PRELID3A: variants seen among roughly 807,000 people sequenced by gnomAD.
PRELID3A encodes PRELI domain containing 3A.
Under a neutral mutation model 23.0 loss-of-function variants are expected in PRELID3A, and 27 were observed. The ratio of observed to expected loss-of-function variants is 1.17; its 90% CI spans 0.87 to 1.62. The LOEUF is 1.62. Ranked by LOEUF, PRELID3A falls within the 40% of genes most tolerant of loss-of-function variation. PRELID3A has a pLI of 0.00. For synonymous variants in PRELID3A, 87 were observed against 86.4 expected, an observed-to-expected ratio of 1.01 and a Z score of -0.04; for missense variants, 231 against 231.4, an observed-to-expected ratio of 1.00 and a Z score of 0.01.
Position 12,427,070 on chromosome 18 carries a change from T to G in PRELID3A, c.321T>G (p.Asn107Lys). 1.2e-6 allele frequency: 2 copies of G among 1,613,510 alleles called. No homozygotes were observed. Among genetic ancestry groups the G allele is most frequent in the African/African-American group, 2.7e-5 (2 of 75,016 alleles). ...CACTCACAAATTTGGTGTCAGTTAATGAGAGGTTGGTGTACACACCTCATC... is the reference window on the plus strand; with the variant it reads ...CACTCACAAATTTGGTGTCAGTTAAGGAGAGGTTGGTGTACACACCTCATC... ...NITLTNLVSV[N>K]ERLVYTPHPE... Residue 107 changes from asparagine to lysine, a missense_variant, in exon 4 of 7, where the codon AAT becomes AAG. Physicochemically the swap from Asn to Lys is moderately conservative, Grantham distance 94. Coordinates refer to ENST00000440960, the MANE Select transcript of PRELID3A (RefSeq NM_001142405.2).
intron 3 of PRELID3A, among the ~76,000 whole-genome samples, chr18:12,423,315 G>C (rs1363909853): frequency 6.6e-6 from 1 of 152,186 alleles, no homozygotes; most frequent in African/African-American, 2.4e-5. Flanking sequence ...GGAAGGTGAG[G>C]TAGCCGGGTT....
At chr18:12,408,104 C>CG in intron 1 of PRELID3A, 97 bp downstream of exon 1, 1 of 1,074,140 alleles carries the variant, frequency 9.3e-7, no homozygotes, top group Non-Finnish European at 1.2e-6. Context: ...GACCTCACAG[C>CG]GGGCCTCGCG....
intron 2 of PRELID3A, 108 bp downstream of exon 2, chr18:12,420,601 T>C: frequency 2.2e-6 from 2 of 924,206 alleles, no homozygotes; most frequent in Non-Finnish European, 2.8e-6. Flanking sequence ...CTGCTTTGGC[T>C]GCCATCGGGG....
chr18:12,414,461 C>G (rs1468686781), intron 1 of PRELID3A, among the ~76,000 whole-genome samples: 1 of 152,202 alleles, frequency 6.6e-6, no homozygotes, highest in African/African-American at 2.4e-5. Flanking sequence ...CGCCATGGCT[C>G]ATGCCTGTAA....
chr18:12,411,302 A>T (rs1399256010), intron 1 of PRELID3A, among the ~76,000 whole-genome samples: 4 of 127,900 alleles, frequency 3.1e-5, no homozygotes, highest in Admixed American at 1.5e-4. Context: ...ACTAAAAAAT[A>T]AAAAAAAAAA....
chr18:12,411,511 CCAG>C (rs1909911923), intron 1 of PRELID3A, among the ~76,000 whole-genome samples: 1 of 151,854 alleles, frequency 6.6e-6, no homozygotes, highest in Non-Finnish European at 1.5e-5. Context: ...TGTCTTCTTC[CCAG>C]CATTGAGGTT....
intron 1 of PRELID3A, among the ~76,000 whole-genome samples, chr18:12,413,893 C>T (rs993421586): frequency 1.3e-5 from 2 of 152,198 alleles, no homozygotes; most frequent in African/African-American, 2.4e-5. Flanking sequence ...CAAATTATCA[C>T]TTTAAAGCTC....
In PRELID3A at chr18:12,416,959, T is replaced by C. The variant is rs185269835; in HGVS notation, c.33-3366T>C. 4.2e-3 allele frequency among the ~76,000 whole-genome samples: 640 copies of C among 152,242 alleles called. 2 individuals are homozygous for C. Among genetic ancestry groups the C allele is most frequent in the Non-Finnish European group, 5.9e-3 (400 of 68,010 alleles). ...AGTACCCAGCCAGACAAGACTATTTTCTTTAACCAAGTGTGTGCTATTGAC... is the reference window on the plus strand; with the variant it reads ...AGTACCCAGCCAGACAAGACTATTTCCTTTAACCAAGTGTGTGCTATTGAC... On this transcript the variant is annotated intron_variant, in intron 1 of 6. Transcript: ENST00000440960.
chr18:12,428,250 C>T (rs1425810532), intron 5 of PRELID3A, among the ~76,000 whole-genome samples: 3 of 152,146 alleles, frequency 2.0e-5, no homozygotes, highest in African/African-American at 4.8e-5. Flanking sequence ...TTCTAGGAGT[C>T]CAGGTTGCCC....
In PRELID3A at chr18:12,421,943, G is replaced by A. The variant is rs565488533; in HGVS notation, c.291+314G>A. On this transcript the variant is annotated intron_variant, in intron 3 of 6. Coordinates refer to ENST00000440960, the MANE Select transcript of PRELID3A (RefSeq NM_001142405.2). Reference sequence around the variant, plus strand: ...ACCACTGTCCTGACAACCAGCAGACGTTTTTGTTTTTTTAAAGATGGGGTC... The same window carrying A: ...ACCACTGTCCTGACAACCAGCAGACATTTTTGTTTTTTTAAAGATGGGGTC... Among the ~76,000 whole-genome samples, 3 of 152,064 alleles carry A rather than the reference G, an allele frequency of 2.0e-5. No homozygotes were observed. The East Asian group carries it at 5.8e-4, about 29-fold the overall frequency.
intron 6 of PRELID3A, among the ~76,000 whole-genome samples, chr18:12,429,976 T>C (rs1598867333): frequency 6.6e-6 from 1 of 152,252 alleles, no homozygotes; most frequent in Admixed American, 6.5e-5. Context: ...GCTGGACTTC[T>C]AGTGGCCCTG....
At chr18:12,410,988 T>C (rs1222056909) in intron 1 of PRELID3A, 1 of 152,088 alleles carries the variant, frequency 6.6e-6, no homozygotes, top group Non-Finnish European at 1.5e-5. Flanking sequence ...ACTTTTGAAA[T>C]GAAGAAATAA....
At chr18:12,409,159 GTTTT>G (rs71371255) in intron 1 of PRELID3A, among the ~76,000 whole-genome samples, 12 of 66,466 alleles carry the variant, frequency 1.8e-4, no homozygotes, top group East Asian at 5.4e-4. Flanking sequence ...CCCAGGCTGG[GTTTT>G]TTTTTTTTTT....
At chr18:12,428,311 G>A (rs1335844123) in intron 5 of PRELID3A, among the ~76,000 whole-genome samples, 1 of 152,208 alleles carries the variant, frequency 6.6e-6, no homozygotes, top group Non-Finnish European at 1.5e-5. Flanking sequence ...GTAGGAAGAT[G>A]TTCCTCACAT....
chr18:12,407,943 G>C lies in PRELID3A; in HGVS notation c.-33G>C, dbSNP rs997700298. 3.1e-6 allele frequency: 4 copies of C among 1,290,836 alleles called. No homozygotes were observed. The highest frequency in any genetic ancestry group is 3.9e-6 in the Non-Finnish European group (4 of 1,022,336). The allele number at this position is 1,290,836 out of a possible 1,614,324, so 80.0% of individuals were successfully genotyped here. A position where few individuals can be genotyped will look rare whatever the true frequency, so the allele number is the denominator to read the frequency against. ...CCGCGCGGCCCGAAGCACCCGGCCC[G>C]GATCGCAGAGCCCGCGCCCTGCGCC... On this transcript the variant is annotated 5_prime_UTR_variant, in exon 1 of 7. Transcript: ENST00000440960.
At chr18:12,413,682 C>T (rs532982450) in intron 1 of PRELID3A, among the ~76,000 whole-genome samples, 1 of 152,302 alleles carries the variant, frequency 6.6e-6, no homozygotes, top group Non-Finnish European at 1.5e-5. Flanking sequence ...CTCCCAGATT[C>T]AAGCAATTCT....
At chr18:12,413,540 C>T (rs976065821) in intron 1 of PRELID3A, among the ~76,000 whole-genome samples, 2 of 152,316 alleles carry the variant, frequency 1.3e-5, no homozygotes, top group Admixed American at 1.3e-4. Flanking sequence ...CATCCAGCTC[C>T]TGGTAGCAGA....
Position 12,421,460 on chromosome 18 carries a change from A to C in PRELID3A, c.202-80A>C. On this transcript the variant is annotated intron_variant, in intron 2 of 6. Transcript: ENST00000440960. ...TCATTTCTTGAATAGTGAACTAATT[A>C]GTAAATGCAATGGTATTCGGTGGTG... 3 of 867,538 alleles carry C rather than the reference A, an allele frequency of 3.5e-6. No homozygotes were observed. The South Asian group carries it at 4.1e-5, about 12-fold the overall frequency. The allele number at this position is 867,538 out of a possible 1,614,324, so 53.7% of individuals were successfully genotyped here. A position where few individuals can be genotyped will look rare whatever the true frequency, so the allele number is the denominator to read the frequency against.
chr18:12,427,990 C>A (rs1479516550), intron 5 of PRELID3A, among the ~76,000 whole-genome samples: 3 of 152,194 alleles, frequency 2.0e-5, no homozygotes, highest in African/African-American at 7.2e-5. Context: ...ATCAGAAATA[C>A]AAGGTGTTAA....
Sources: gnomAD v4.1 joint callset for allele counts (sites outside exome capture counted in the v4.1 genomes callset) on GRCh38, gnomAD v4.1.1 for gene constraint, MANE v1.5 for transcripts, NCBI Gene and HGNC (gene_info 2026-07-23, HGNC 2026-07-21) for gene names.